Variants in ARMC3 observed in about 807,000 individuals in gnomAD.
ARMC3 encodes armadillo repeat containing 3, also known as armadillo repeat-containing protein 3.
In ARMC3, 74 loss-of-function variants were observed where a neutral mutation model predicts 90.3. That is an observed-to-expected ratio of 0.82 (90% confidence interval 0.68 to 0.99). The LOEUF (loss-of-function observed/expected upper bound fraction) is 0.99. Ranked by LOEUF, ARMC3 falls within the 50% of genes least tolerant of loss-of-function variation. The pLI, the probability that ARMC3 is intolerant of heterozygous loss-of-function variation, is 0.00. For synonymous variants in ARMC3, 334 were observed against 361.8 expected, an observed-to-expected ratio of 0.92 and a Z score of 0.87; for missense variants, 958 against 1,042.8, an observed-to-expected ratio of 0.92 and a Z score of 1.12.
chr10:22,967,910 G>A (rs982310191), intron 7 of ARMC3, among the ~76,000 whole-genome samples: 3 of 152,238 alleles, frequency 2.0e-5, no homozygotes, highest in African/African-American at 4.8e-5. Flanking sequence ...CCACACACTC[G>A]CAATACTTCT....
rs893193026 is a variant in ARMC3 at position 22,928,862 on chromosome 10, G to A, written c.-2+756G>A. On this transcript the variant is annotated intron_variant, in intron 1 of 18. Transcript: ENST00000298032. ...ATTTGTTAATATAAGAATTTAGTAG[G>A]AATATGAACCCAGGAAGGGAAGGTG... Among the ~76,000 whole-genome samples the A allele has an allele frequency of 2.0e-5, 3 of 152,334 alleles. No individual in the cohort carries two copies. In the South Asian group the frequency reaches 6.2e-4, roughly 32 times the overall value.
At chr10:22,951,201 T>A (rs1391674720) in intron 3 of ARMC3, among the ~76,000 whole-genome samples, 2 of 152,200 alleles carry the variant, frequency 1.3e-5, no homozygotes, top group Non-Finnish European at 2.9e-5. Flanking sequence ...CCTCCCAAAG[T>A]GCTGGGATTA....
intron 8 of ARMC3, among the ~76,000 whole-genome samples, chr10:22,971,861 A>G (rs1174589162): frequency 6.6e-6 from 1 of 151,926 alleles, no homozygotes; most frequent in Non-Finnish European, 1.5e-5. Flanking sequence ...CACACTTGCT[A>G]TTTTCTGTTT....
rs1438151116 is a variant in ARMC3, at chr10:23,007,105, GA to G, written c.1829+128del. 5.4e-6 allele frequency: 4 copies of G among 736,306 alleles called. No individual in the cohort carries two copies. In the East Asian group the frequency reaches 1.1e-4, roughly 20 times the overall value. 45.6% of individuals were successfully genotyped at this position (736,306 alleles called of 1,614,324 possible). ...TTTCTCCTGTATCTAGCACCTCCAT[GA>G]AAATAAACACTGGCTCATAAACTCA... On this transcript the variant is annotated intron_variant, in intron 14 of 18. Transcript: ENST00000298032.
intron 13 of ARMC3, among the ~76,000 whole-genome samples, chr10:23,005,695 C>T: frequency 6.6e-6 from 1 of 152,206 alleles, no homozygotes; most frequent in East Asian, 1.9e-4. Context: ...GAAACCCTGT[C>T]TCTACTAAAA....
intron 3 of ARMC3, among the ~76,000 whole-genome samples, chr10:22,951,457 G>C (rs913682588): frequency 6.6e-6 from 1 of 151,898 alleles, no homozygotes; most frequent in Non-Finnish European, 1.5e-5. Context: ...AAGAGCAGTA[G>C]AGTATACATT....
At chr10:22,965,012 T>G (rs1835388275) in intron 7 of ARMC3, among the ~76,000 whole-genome samples, 1 of 152,184 alleles carries the variant, frequency 6.6e-6, no homozygotes, top group Non-Finnish European at 1.5e-5. Context: ...ATGTAATAAT[T>G]TTTTGTTTTG....
intron 10 of ARMC3, among the ~76,000 whole-genome samples, chr10:22,991,298 A>G (rs10828390): frequency 0.24 from 35,878 of 152,094 alleles, 5,103 homozygotes; most frequent in African/African-American, 0.4. Flanking sequence ...TTGTGCATGT[A>G]AGAGATTACC....
At chr10:23,001,879 C>T (rs760889266) in intron 11 of ARMC3, 40 bp from the exon 12 acceptor site, 70 of 1,594,602 alleles carry the variant, frequency 4.4e-5, no homozygotes, top group Non-Finnish European at 5.6e-5. Context: ...TAGTTACATT[C>T]TACACTCTTA....
At chr10:22,944,625 C>T (rs191429610) in intron 2 of ARMC3, among the ~76,000 whole-genome samples, 17 of 152,220 alleles carry the variant, frequency 1.1e-4, no homozygotes, top group African/African-American at 3.9e-4. Flanking sequence ...TAAAAAAAAC[C>T]ATGGTCAGTG....
At chr10:22,944,179 C>T (rs904975003) in intron 2 of ARMC3, among the ~76,000 whole-genome samples, 2 of 152,154 alleles carry the variant, frequency 1.3e-5, no homozygotes, top group Non-Finnish European at 2.9e-5. Context: ...ATTCCAGAGT[C>T]ACAATCCTTT....
In ARMC3 at chr10:23,037,428, T is replaced by C; in HGVS notation, c.2568T>C (p.Gly856=). The C allele has an allele frequency of 6.2e-7, 1 of 1,614,072 alleles. No individual in the cohort carries two copies. Among genetic ancestry groups the C allele is most frequent in the Non-Finnish European group, 8.5e-7 (1 of 1,179,942 alleles). Reference sequence around the variant, plus strand: ...TGATTGACCTCATGTTCCATCCAGGTGGACTGATGAAGTTGAGAAGTCGAG... The same window carrying C: ...TGATTGACCTCATGTTCCATCCAGGCGGACTGATGAAGTTGAGAAGTCGAG... ...MYVIDLMFHP[G]GLMKLRSREA... is the part of the protein sequence containing the mutation. Residue 856 remains glycine, a synonymous_variant, in exon 19 of 19, where the codon GGT becomes GGC. Coordinates refer to ENST00000298032, the MANE Select transcript of ARMC3 (RefSeq NM_173081.5).
intron 8 of ARMC3, among the ~76,000 whole-genome samples, chr10:22,970,975 G>A (rs1045148511): frequency 6.6e-6 from 1 of 152,094 alleles, no homozygotes; most frequent in Admixed American, 6.5e-5. Context: ...TCACATTTTT[G>A]TGGTGCTGTC....
At chr10:22,993,084 G>A in intron 10 of ARMC3, among the ~76,000 whole-genome samples, 1 of 152,082 alleles carries the variant, frequency 6.6e-6, no homozygotes, top group East Asian at 1.9e-4. Context: ...CTGTTCCATC[G>A]GGTTCCACAT....
At chr10:23,007,183 T>C (rs1031341270) in intron 14 of ARMC3, among the ~76,000 whole-genome samples, 3 of 152,206 alleles carry the variant, frequency 2.0e-5, no homozygotes, top group African/African-American at 7.2e-5. Flanking sequence ...ATCAATGCAC[T>C]CTCTGCTCTC....
rs532904742 is a variant in ARMC3, at chr10:22,993,110, G to C, written c.1176-5038G>C. ...GGTTCCACATATTACCCTGTATGTG[G>C]GCTCTGTTAAACAGATTTCTGTTCT... On this transcript the variant is annotated intron_variant, in intron 10 of 18. Transcript: ENST00000298032. 5.9e-5 allele frequency among the ~76,000 whole-genome samples: 9 copies of C among 152,276 alleles called. No homozygotes were observed. In the South Asian group the frequency reaches 1.2e-3, roughly 21 times the overall value.
In ARMC3 at chr10:22,981,325, T is replaced by G. The variant is rs1200014548; in HGVS notation, c.917-15T>G. 1.9e-6 allele frequency: 3 copies of G among 1,584,706 alleles called. No homozygotes were observed. On this transcript the variant is annotated splice_polypyrimidine_tract_variant and intron_variant, in intron 8 of 18. Transcript: ENST00000298032. ...CATTAAAATTCTGAATTTTTTTCCCTTTGGTGTATGAAAGCTGAAAATAGA... is the reference window on the plus strand; with the variant it reads ...CATTAAAATTCTGAATTTTTTTCCCGTTGGTGTATGAAAGCTGAAAATAGA...
chr10:23,024,671 A>T (rs1176487726), intron 16 of ARMC3, among the ~76,000 whole-genome samples: 4 of 152,288 alleles, frequency 2.6e-5, no homozygotes, highest in Middle Eastern at 3.4e-3. Context: ...ACCACTAAAA[A>T]ACCTATACAA....
rs185170822 is a variant in ARMC3, at chr10:23,003,287, G to T, written c.1604G>T (p.Arg535Leu). The T allele has an allele frequency of 6.2e-7, 1 of 1,612,586 alleles. No homozygotes were observed. Among genetic ancestry groups the T allele is most frequent in the Admixed American group, 1.7e-5 (1 of 59,772 alleles). Residue 535 changes from arginine to leucine, a missense_variant, in exon 13 of 19, where the codon CGG (arginine) becomes CTG (leucine). Physicochemically the swap from Arg to Leu is moderately radical, Grantham distance 102. Transcript: ENST00000298032. Reference protein sequence around the residue: ...ILEEVNVSGTRKNKFSEAAYN... With the variant: ...ILEEVNVSGTLKNKFSEAAYN... ...GAAGAAGTTAACGTATCAGGAACTC[G>T]GAAAAATAAATTCAGTGAGGCAGCT...
Sources: gnomAD v4.1 joint callset for allele counts (sites outside exome capture counted in the v4.1 genomes callset) on GRCh38, gnomAD v4.1.1 for gene constraint, MANE v1.5 for transcripts, NCBI Gene and HGNC (gene_info 2026-07-23, HGNC 2026-07-21) for gene names.